Variants in BRF1 observed in about 807,000 individuals in gnomAD.
The protein encoded by BRF1 is BRF1 general transcription factor IIIB subunit.
In BRF1, 59 loss-of-function variants were observed where a neutral mutation model predicts 81.7. The ratio of observed to expected loss-of-function variants is 0.72; its 90% CI spans 0.59 to 0.90. The LOEUF is 0.90. Among genes scored for constraint, BRF1 ranks in the 40% least tolerant of loss-of-function variants. The pLI is 0.00. For synonymous variants in BRF1, 491 were observed against 395.6 expected (o/e 1.24, Z -2.86); for missense variants, 1,050 against 936.3 (o/e 1.12, Z -1.58).
At chr14:105,293,861 A>G (rs1474062111) in intron 1 of BRF1, among the ~76,000 whole-genome samples, 1 of 152,226 alleles carries the variant, frequency 6.6e-6, no homozygotes, top group Non-Finnish European at 1.5e-5. Context: ...AATATTCCAG[A>G]GTAAACTGCG....
At chr14:105,218,895 C>T in intron 14 of BRF1, 103 bp downstream of exon 14, 4 of 1,538,942 alleles carry the variant, frequency 2.6e-6, no homozygotes, top group South Asian at 1.1e-5. Context: ...TGCCCTGGGG[C>T]CTAGACCCTC....
upstream of BRF1, among the ~76,000 whole-genome samples, chr14:105,304,141 T>C (rs2058110590): frequency 6.6e-6 from 1 of 151,998 alleles, no homozygotes; most frequent in Non-Finnish European, 1.5e-5. Context: ...CAGGACAGGA[T>C]TGGCCAGAGG....
intron 10 of BRF1, among the ~76,000 whole-genome samples, chr14:105,224,130 G>C (rs1257063014): frequency 6.6e-6 from 1 of 152,140 alleles, no homozygotes; most frequent in East Asian, 1.9e-4. Context: ...GCACTTTGGC[G>C]GGCCAAGGTG....
intron 5 of BRF1, among the ~76,000 whole-genome samples, chr14:105,244,116 C>A (rs1266973580): frequency 6.6e-6 from 1 of 150,908 alleles, no homozygotes; most frequent in Non-Finnish European, 1.5e-5. Flanking sequence ...CGAGGTCAGC[C>A]TGGGAAACAC....
At chr14:105,292,629 C>A (rs1041813242) in intron 1 of BRF1, among the ~76,000 whole-genome samples, 1 of 152,180 alleles carries the variant, frequency 6.6e-6, no homozygotes, top group Admixed American at 6.5e-5. Context: ...GACCAGACCG[C>A]AGTGCATCCC....
chr14:105,296,109 G>C (rs1049796598), intron 1 of BRF1, among the ~76,000 whole-genome samples: 4 of 149,480 alleles, frequency 2.7e-5, no homozygotes, highest in Admixed American at 2.0e-4. Context: ...AAAACTCAAG[G>C]AGTGTATTAA....
At chr14:105,273,145 C>A (rs1016467303) in intron 2 of BRF1, among the ~76,000 whole-genome samples, 2 of 152,170 alleles carry the variant, frequency 1.3e-5, no homozygotes, top group Non-Finnish European at 2.9e-5. Flanking sequence ...GTGGCGTGTG[C>A]GGTGTGGCTG....
intron 5 of BRF1, chr14:105,247,033 C>T (rs1158882890): frequency 1.0e-6 from 1 of 985,322 alleles, no homozygotes; most frequent in Non-Finnish European, 1.2e-6. Flanking sequence ...CCACTCTGGC[C>T]ATTTGTATTT....
intron 8 of BRF1, 143 bp from the exon 9 acceptor site, chr14:105,226,433 GT>G: frequency 6.9e-7 from 1 of 1,443,080 alleles, no homozygotes; most frequent in Non-Finnish European, 9.6e-7. Flanking sequence ...ATGGGCCTGT[GT>G]CCCCCATGGG....
intron 7 of BRF1, chr14:105,227,059 C>G (rs112623179): frequency 8.8e-6 from 3 of 342,218 alleles, no homozygotes; most frequent in Non-Finnish European, 1.6e-5. Context: ...GAGGCTGTAA[C>G]GAGCTGTGAT....
intron 7 of BRF1, among the ~76,000 whole-genome samples, chr14:105,228,493 G>A (rs780383082): frequency 2.0e-5 from 3 of 151,158 alleles, no homozygotes; most frequent in Middle Eastern, 6.8e-3. Flanking sequence ...ACAGTGAGCC[G>A]AGATCACGCT....
upstream of BRF1, among the ~76,000 whole-genome samples, chr14:105,302,761 G>A (rs1405089395): frequency 3.3e-5 from 5 of 150,146 alleles, no homozygotes; most frequent in Admixed American, 3.3e-4. Context: ...AATATTTTTT[G>A]TAGAGATGGG....
chr14:105,249,032 C>T, intron 5 of BRF1: 4 of 1,200,204 alleles, frequency 3.3e-6, no homozygotes, highest in Non-Finnish European at 4.1e-6. Flanking sequence ...CACTCGGCAA[C>T]AACCACCAGG....
At chr14:105,266,840 T>G (rs866553777) in intron 3 of BRF1, among the ~76,000 whole-genome samples, 1 of 152,022 alleles carries the variant, frequency 6.6e-6, no homozygotes, top group Non-Finnish European at 1.5e-5. Context: ...GCTCAGAAGT[T>G]TGAGACCAGC....
In BRF1 at chr14:105,284,186, C is replaced by G. The variant is rs66527719; in HGVS notation, c.265+2110G>C. On this transcript the variant is annotated intron_variant, in intron 2 of 17. Transcript: ENST00000547530. This position sits in a 1 kb window ranked among gnomAD's most constrained non-coding sequence, Gnocchi z 4.0. ...ACGTCCACAAAACTGGCCTTCCACC[C>G]GGCCACGGCTCGAAGCATTTCCGAA... 0.29 allele frequency among the ~76,000 whole-genome samples: 44,173 copies of G among 151,942 alleles called. 6,668 individuals are homozygous for G. Among genetic ancestry groups the G allele is most frequent in the African/African-American group, 0.33 (13,499 of 41,408 alleles).
chr14:105,214,351 C>G (rs942290540), intron 15 of BRF1, among the ~76,000 whole-genome samples: 1 of 152,238 alleles, frequency 6.6e-6, no homozygotes, highest in Non-Finnish European at 1.5e-5. Flanking sequence ...CAAAGCAGCC[C>G]GAGTGACCAC....
chr14:105,247,383 G>A (rs2055193121), intron 5 of BRF1: 1 of 985,330 alleles, frequency 1.0e-6, no homozygotes. Context: ...CCCATTCCTG[G>A]GAGAAATGAT....
chr14:105,212,435 C>T (rs1595231153), intron 15 of BRF1: 1 of 445,234 alleles, frequency 2.2e-6, no homozygotes. Context: ...CACTCCCCTT[C>T]CAACAGTGCC....
At chr14:105,288,649 T>G (rs1311757143) in intron 1 of BRF1, among the ~76,000 whole-genome samples, 1 of 148,466 alleles carries the variant, frequency 6.7e-6, no homozygotes, top group Non-Finnish European at 1.5e-5. Context: ...TTTTTTTTTT[T>G]TTGAAACAGA....
Sources: gnomAD v4.1 joint callset for allele counts (sites outside exome capture counted in the v4.1 genomes callset) on GRCh38, gnomAD v4.1.1 for gene constraint, Gnocchi (gnomAD v3.1) non-coding constraint, MANE v1.5 for transcripts, NCBI Gene and HGNC (gene_info 2026-07-23, HGNC 2026-07-21) for gene names.